The following PPEF2 variants were observed in gnomAD, a reference collection of about 807,000 sequenced individuals.
The protein encoded by PPEF2 is protein phosphatase with EF-hand domain 2, also known as serine/threonine-protein phosphatase with EF-hands 2.
In PPEF2, 84 loss-of-function variants were observed where a neutral mutation model predicts 84.7. That is an observed-to-expected ratio of 0.99 (90% CI 0.83 to 1.19). PPEF2 has a LOEUF of 1.19. Among genes scored for constraint, PPEF2 ranks in the 50% most tolerant of loss-of-function variants. The pLI is 0.00. For synonymous variants in PPEF2, 346 were observed against 345.2 expected (o/e 1.00, Z -0.03); for missense variants, 924 against 937.5 (o/e 0.99, Z 0.19).
chr4:75,863,708 T>TA (rs1401193242), intron 16 of PPEF2, among the ~76,000 whole-genome samples: 1 of 150,744 alleles, frequency 6.6e-6, no homozygotes, highest in African/African-American at 2.4e-5. Context: ...CCTCACCATA[T>TA]TTTTTTTTAT....
At position 75,860,202 on chromosome 4, in the gene PPEF2, G is replaced by T. The variant is rs62321577; in HGVS notation, c.*465C>A. ...TGTGTCTACTAAAAATACAAAATTA[G>T]CCTGGTGTGGTGGTGCATGCCTGTA... On this transcript the variant is annotated 3_prime_UTR_variant, in exon 17 of 17. Transcript: ENST00000286719. 6,331 of 161,680 alleles carry T rather than the reference G, an allele frequency of 0.039. 187 individuals carry two copies. The highest frequency in any genetic ancestry group is 0.061 in the Non-Finnish European group (4,513 of 74,068). The allele number at this position is 161,680 out of a possible 1,614,324, so 10.0% of individuals were successfully genotyped here.
intron 1 of PPEF2, among the ~76,000 whole-genome samples, chr4:75,899,739 A>G (rs1489713800): frequency 6.6e-6 from 1 of 151,578 alleles, no homozygotes. Flanking sequence ...TGATACCAGA[A>G]TCTGAGTTTG....
intron 1 of PPEF2, among the ~76,000 whole-genome samples, chr4:75,901,709 T>G (rs1725128274): frequency 6.6e-6 from 1 of 152,138 alleles, no homozygotes; most frequent in South Asian, 2.1e-4. Context: ...CTGAGCCATC[T>G]CTCCAGGTGA....
At chr4:75,877,505 A>C (rs941340462) in intron 10 of PPEF2, among the ~76,000 whole-genome samples, 5 of 152,168 alleles carry the variant, frequency 3.3e-5, no homozygotes, top group African/African-American at 4.8e-5. Context: ...AGTCCTAAAC[A>C]CTGGTGCCCA....
In PPEF2 at chr4:75,863,757, T is replaced by C. The variant is rs183927395; in HGVS notation, c.2008+683A>G. ...TCTATAATTATTTCAAAATTTAAAG[T>C]TAAAAAAAACATTTTGAGAGTGAGG... On this transcript the variant is annotated intron_variant, in intron 16 of 16. Transcript: ENST00000286719. Among the ~76,000 whole-genome samples the C allele has an allele frequency of 3.3e-5, 5 of 152,154 alleles. No individual in the cohort carries two copies. In the East Asian group the frequency reaches 9.6e-4, roughly 29 times the overall value.
At chr4:75,868,807 A>T (rs1560480236) in intron 13 of PPEF2, among the ~76,000 whole-genome samples, 1 of 151,970 alleles carries the variant, frequency 6.6e-6, no homozygotes, top group African/African-American at 2.4e-5. Flanking sequence ...GCTCAAGACC[A>T]CCCTGGGCAA....
chr4:75,898,993 A>C (rs965100434), intron 1 of PPEF2, among the ~76,000 whole-genome samples: 1 of 152,098 alleles, frequency 6.6e-6, no homozygotes, highest in East Asian at 1.9e-4. Flanking sequence ...CTGTTAATCA[A>C]CTTTCCTCAT....
intron 10 of PPEF2, among the ~76,000 whole-genome samples, chr4:75,882,323 A>G (rs758363445): frequency 3.3e-5 from 5 of 152,168 alleles, no homozygotes; most frequent in Admixed American, 6.6e-5. Flanking sequence ...GTAGGCACTA[A>G]ATACATATTT....
chr4:75,867,873 T>G (rs1230870440), intron 13 of PPEF2, among the ~76,000 whole-genome samples: 3 of 152,210 alleles, frequency 2.0e-5, no homozygotes, highest in Non-Finnish European at 4.4e-5. Context: ...TTTATTATCA[T>G]GTGAAACAGA....
chr4:75,890,154 G>C lies in PPEF2; in HGVS notation c.242-22C>G, dbSNP rs191736599. ...TCCCCTAGTCCAGATAGAAAAGGTGGATCAGCTTATGATCATCTGATCATG... is the reference window on the plus strand; with the variant it reads ...TCCCCTAGTCCAGATAGAAAAGGTGCATCAGCTTATGATCATCTGATCATG... On this transcript the variant is annotated intron_variant, in intron 4 of 16. Coordinates refer to ENST00000286719, the MANE Select transcript of PPEF2 (RefSeq NM_006239.3). 1.4e-3 allele frequency: 2,216 copies of C among 1,612,800 alleles called. 5 individuals are homozygous for C. Among genetic ancestry groups the C allele is most frequent in the Admixed American group, 2.3e-3 (137 of 59,978 alleles).
At chr4:75,868,224 G>A (rs1194925140) in intron 13 of PPEF2, among the ~76,000 whole-genome samples, 1 of 146,986 alleles carries the variant, frequency 6.8e-6, no homozygotes, top group Non-Finnish European at 1.5e-5. Flanking sequence ...GCTGAGGTGG[G>A]AGGATCACTT....
At chr4:75,886,001 C>T (rs1724711595) in intron 7 of PPEF2, among the ~76,000 whole-genome samples, 1 of 91,010 alleles carries the variant, frequency 1.1e-5, no homozygotes, top group South Asian at 5.6e-4. Context: ...AAGAGCGAAA[C>T]TCTGTCTTAA....
Position 75,882,481 on chromosome 4 carries a change from A to C in PPEF2, c.933+445T>G, listed in dbSNP as rs987620874. ...TACTCCCCACTGGCATGTACATGGT[A>C]GACATGACTAAGTGACTACAGCACA... is the stretch of plus-strand genomic sequence containing the variant. On this transcript the variant is annotated intron_variant, in intron 10 of 16. Coordinates refer to ENST00000286719, the MANE Select transcript of PPEF2 (RefSeq NM_006239.3). Among the ~76,000 whole-genome samples, 15 of 152,072 alleles carry C rather than the reference A, an allele frequency of 9.9e-5. 1 individual carries two copies. The highest frequency in any genetic ancestry group is 3.9e-4 in the Admixed American group (6 of 15,258).
intron 15 of PPEF2, 55 bp from the exon 16 acceptor site, chr4:75,864,582 A>T (rs1724084111): frequency 1.5e-6 from 2 of 1,358,326 alleles, no homozygotes; most frequent in East Asian, 4.6e-5. Context: ...TTGTTCCAAT[A>T]TATAATTAAC....
At chr4:75,864,114 T>C (rs1455793293) in intron 16 of PPEF2, among the ~76,000 whole-genome samples, 1 of 152,040 alleles carries the variant, frequency 6.6e-6, no homozygotes, top group Non-Finnish European at 1.5e-5. Context: ...TTCAGGTGAT[T>C]CACCTGCCTC....
intron 2 of PPEF2, among the ~76,000 whole-genome samples, chr4:75,892,352 C>T (rs771341738): frequency 1.3e-5 from 2 of 151,932 alleles, no homozygotes; most frequent in African/African-American, 2.4e-5. Context: ...GGTTATAATG[C>T]GGGGGTGGGG....
At chr4:75,886,424 C>T (rs1724727206) in intron 7 of PPEF2, among the ~76,000 whole-genome samples, 1 of 152,198 alleles carries the variant, frequency 6.6e-6, no homozygotes, top group South Asian at 2.1e-4. Context: ...ACGGCACGTT[C>T]GTGGGGAACC....
intron 10 of PPEF2, among the ~76,000 whole-genome samples, chr4:75,877,635 T>A (rs1578006829): frequency 1.3e-5 from 2 of 152,000 alleles, no homozygotes; most frequent in African/African-American, 4.8e-5. Context: ...AAGCACATGA[T>A]CAGTGGGCTT....
chr4:75,894,580 A>G (rs1444492252), intron 2 of PPEF2, among the ~76,000 whole-genome samples: 2 of 152,196 alleles, frequency 1.3e-5, no homozygotes, highest in Non-Finnish European at 2.9e-5. Context: ...GAGGCACTGA[A>G]GTCAGGCAGG....
Sources: gnomAD v4.1 joint callset for allele counts (sites outside exome capture counted in the v4.1 genomes callset) on GRCh38, gnomAD v4.1.1 for gene constraint, MANE v1.5 for transcripts, NCBI Gene and HGNC (gene_info 2026-07-23, HGNC 2026-07-21) for gene names.